Variants in CCNB2 observed in about 807,000 individuals in gnomAD.
CCNB2 encodes G2/mitotic-specific cyclin-B2.
In CCNB2, 39 loss-of-function variants were observed where a neutral mutation model predicts 51.1. The ratio of observed to expected loss-of-function variants is 0.76; its 90% confidence interval spans 0.59 to 1.00. The LOEUF (loss-of-function observed/expected upper bound fraction) is 1.00. CCNB2 is among the 50% of genes least tolerant of loss of function. The pLI is 0.00. For missense variants in CCNB2, 472 were observed against 470.3 expected (o/e 1.00, Z -0.03); for synonymous variants, 174 against 165.5 (o/e 1.05, Z -0.40).
intron 7 of CCNB2, among the ~76,000 whole-genome samples, chr15:59,118,232 A>G (rs1222579219): frequency 1.3e-5 from 2 of 152,336 alleles, no homozygotes; most frequent in East Asian, 3.9e-4. Context: ...TTCACATGGC[A>G]AAAAGGATAA....
intron 3 of CCNB2, among the ~76,000 whole-genome samples, chr15:59,109,261 G>T (rs28383508): frequency 0.029 from 4,488 of 152,176 alleles, 222 homozygotes; most frequent in African/African-American, 0.1. Context: ...CTTGACCTCA[G>T]GTGATCCACC....
intron 8 of CCNB2, 98 bp downstream of exon 8, chr15:59,123,725 A>C (rs995052990): frequency 1.5e-6 from 1 of 663,956 alleles, no homozygotes; most frequent in South Asian, 1.7e-5. Flanking sequence ...TCATGTAAAT[A>C]TATTAATAAC....
chr15:59,115,330 TAGA>T lies in CCNB2; in HGVS notation c.597+463_597+465del, dbSNP rs534551567. ...AGCCAACTATGTCATTGAATCACTGTAGAAGAAGAAGGTGGCAGTATTTGTTTT... is the reference window on the plus strand; with the variant it reads ...AGCCAACTATGTCATTGAATCACTGTAGAAGAAGGTGGCAGTATTTGTTTT... On this transcript the variant is annotated intron_variant, in intron 5 of 8. Transcript: ENST00000288207. Among the ~76,000 whole-genome samples, 30 of 152,276 alleles carry T rather than the reference TAGA, an allele frequency of 2.0e-4. 1 individual carries two copies. In the South Asian group the frequency reaches 3.3e-3, roughly 17 times the overall value.
At chr15:59,118,127 AG>A (rs1185310527) in intron 7 of CCNB2, among the ~76,000 whole-genome samples, 3 of 152,276 alleles carry the variant, frequency 2.0e-5, no homozygotes, top group African/African-American at 7.2e-5. Context: ...AGACAAAGGA[AG>A]GCCAAGGCCT....
At chr15:59,121,976 G>A (rs577379591) in intron 7 of CCNB2, among the ~76,000 whole-genome samples, 1 of 134,094 alleles carries the variant, frequency 7.5e-6, no homozygotes, top group Non-Finnish European at 1.5e-5. Flanking sequence ...AAATTACCCA[G>A]GCATGGTGGC....
At chr15:59,117,037 T>C in intron 6 of CCNB2, 111 bp downstream of exon 6, 1 of 1,030,284 alleles carries the variant, frequency 9.7e-7, no homozygotes, top group Non-Finnish European at 1.5e-6. Context: ...TAGGTAAGTC[T>C]TAATGCTTTC....
At chr15:59,107,981 G>A (rs1431398307) in intron 3 of CCNB2, among the ~76,000 whole-genome samples, 4 of 151,692 alleles carry the variant, frequency 2.6e-5, no homozygotes, top group African/African-American at 7.3e-5. Flanking sequence ...CCTGGACAGC[G>A]GAGCAAGACC....
At chr15:59,114,924 C>A (rs755045619) in intron 5 of CCNB2, 48 bp downstream of exon 5, 11 of 1,552,772 alleles carry the variant, frequency 7.1e-6, no homozygotes, top group Non-Finnish European at 9.6e-6. Context: ...TTGAACATTG[C>A]ATTTATGCTT....
At chr15:59,123,459 A>G (rs1286418488) in intron 7 of CCNB2, 58 bp from the exon 8 acceptor site, 3 of 941,078 alleles carry the variant, frequency 3.2e-6, no homozygotes, top group South Asian at 1.3e-5. Flanking sequence ...CTTCTAAAGA[A>G]GCAGAGGTTT....
chr15:59,111,531 A>T (rs1450969443), intron 3 of CCNB2, among the ~76,000 whole-genome samples: 1 of 152,222 alleles, frequency 6.6e-6, no homozygotes, highest in African/African-American at 2.4e-5. Context: ...GCATATGCTT[A>T]TTACAATGCA....
rs1325260353 is a variant in CCNB2, at chr15:59,116,769, T to C, written c.677T>C (p.Phe226Ser). 6 of 1,613,682 alleles carry C rather than the reference T, an allele frequency of 3.7e-6. No individual in the cohort carries two copies. The highest frequency in any genetic ancestry group is 5.1e-6 in the Non-Finnish European group (6 of 1,179,914). The change falls in exon 6 of 9, where the codon TTT (phenylalanine) becomes TCT (serine). Residue 226 changes from phenylalanine (F) to serine (S), a missense_variant. By Grantham distance (155) the Phe-to-Ser change is radical. Transcript: ENST00000288207. ...TTGGCTTCCAAGTATGAGGAGATGT[T>C]TTCTCCAAATATTGAAGACTTTGTT... ...LLLASKYEEM[F>S]SPNIEDFVYI...
chr15:59,121,277 T>C lies in CCNB2; in HGVS notation c.976-2240T>C, dbSNP rs1257137855. The C allele has an allele frequency of 2.6e-5, 4 of 152,058 alleles. No individual in the cohort carries two copies. In the East Asian group the frequency reaches 7.7e-4, roughly 29 times the overall value. The allele number at this position is 152,058 out of a possible 1,614,324, so 9.4% of individuals were successfully genotyped here. On this transcript the variant is annotated intron_variant, in intron 7 of 8. Transcript: ENST00000288207. The stretch of plus-strand genomic sequence containing the variant: ...GTCTACATGAAGGATATATAGAGGA[T>C]CATTCTTTCAGTTTTTCTGTAGATT...
chr15:59,113,991 C>T (rs1277061323), intron 3 of CCNB2, among the ~76,000 whole-genome samples: 4 of 152,184 alleles, frequency 2.6e-5, no homozygotes, highest in African/African-American at 4.8e-5. Context: ...CGTGAGCCAC[C>T]GTGCATGGCC....
At chr15:59,113,100 G>T (rs553234875) in intron 3 of CCNB2, among the ~76,000 whole-genome samples, 1 of 151,974 alleles carries the variant, frequency 6.6e-6, no homozygotes, top group Non-Finnish European at 1.5e-5. Context: ...TGTTTTAACT[G>T]CTTTATAAAT....
At chr15:59,105,563 GC>G (rs2079232412) in intron 1 of CCNB2, among the ~76,000 whole-genome samples, 1 of 152,194 alleles carries the variant, frequency 6.6e-6, no homozygotes, top group Admixed American at 6.5e-5. Context: ...TGTCAAGTGA[GC>G]CCCCAGAGCA....
At chr15:59,124,348 G>A (rs560617965) in intron 8 of CCNB2, 92 of 213,472 alleles carry the variant, frequency 4.3e-4, no homozygotes, top group Non-Finnish European at 6.9e-4. Context: ...TGAGAGGACT[G>A]TCTGGGATTT....
chr15:59,109,722 C>T (rs1340004344), intron 3 of CCNB2, among the ~76,000 whole-genome samples: 1 of 152,240 alleles, frequency 6.6e-6, no homozygotes, highest in Non-Finnish European at 1.5e-5. Flanking sequence ...TGCAGTGGCT[C>T]ACGCCTGTAA....
At chr15:59,117,464 A>G (rs997023771) in intron 7 of CCNB2, 96 bp downstream of exon 7, 6 of 1,320,856 alleles carry the variant, frequency 4.5e-6, no homozygotes, top group Non-Finnish European at 6.3e-6. Context: ...TCCTTGAAGC[A>G]GTTGGTTTTG....
At chr15:59,123,487 A>ATGTC (rs759040720) in intron 7 of CCNB2, 30 bp from the exon 8 acceptor site, 5 of 1,343,642 alleles carry the variant, frequency 3.7e-6, no homozygotes, top group Non-Finnish European at 5.3e-6. Context: ...CCCCTCAGTC[A>ATGTC]TGTCTGTCTG....
Sources: gnomAD v4.1 joint callset for allele counts (sites outside exome capture counted in the v4.1 genomes callset) on GRCh38, gnomAD v4.1.1 for gene constraint, MANE v1.5 for transcripts, NCBI Gene and HGNC (gene_info 2026-07-23, HGNC 2026-07-21) for gene names.